The following M1AP variants were observed in gnomAD, a reference collection of about 807,000 sequenced individuals.
M1AP encodes meiosis 1 arrest protein.
Under a neutral mutation model 51.2 loss-of-function variants are expected in M1AP, and 39 were observed. The ratio of observed to expected loss-of-function variants is 0.76; its 90% CI spans 0.59 to 1.00. The LOEUF (loss-of-function observed/expected upper bound fraction) is 1.00. M1AP is among the 50% of genes least tolerant of loss of function. The pLI, the probability that M1AP is intolerant of heterozygous loss-of-function variation, is 0.00. For missense variants in M1AP, 545 were observed against 641.2 expected (o/e 0.85, Z 1.62); for synonymous variants, 251 against 249.2 (o/e 1.01, Z -0.07).
At chr2:74,630,693 T>C (rs896697319) in intron 2 of M1AP, among the ~76,000 whole-genome samples, 2 of 151,944 alleles carry the variant, frequency 1.3e-5, no homozygotes, top group South Asian at 2.1e-4. Flanking sequence ...TAGTATTCCA[T>C]GGTGTGTATG....
intron 3 of M1AP, among the ~76,000 whole-genome samples, chr2:74,611,882 GTTTTTTTTTTTTTTTT>G (rs1188013311): frequency 2.3e-5 from 1 of 42,912 alleles, no homozygotes; most frequent in Non-Finnish European, 3.8e-5. Context: ...ACAAAAAAGT[GTTTTTTTTTTTTTTTT>G]TTTTTTTTTT....
intron 7 of M1AP, among the ~76,000 whole-genome samples, chr2:74,568,922 A>G (rs1558649184): frequency 6.6e-6 from 1 of 152,198 alleles, no homozygotes; most frequent in Admixed American, 6.5e-5. Flanking sequence ...TAGTGTGGGA[A>G]GGGTGAGCCC....
chr2:74,628,996 C>T (rs205651), intron 2 of M1AP: 128,392 of 213,772 alleles, frequency 0.6, 42,335 homozygotes, highest in East Asian at 1. Flanking sequence ...TTATCTTGCA[C>T]GGGAATGTCT....
At chr2:74,607,360 G>C in intron 3 of M1AP, 137 bp from the exon 4 acceptor site, 1 of 834,632 alleles carries the variant, frequency 1.2e-6, no homozygotes, top group African/African-American at 1.7e-5. Context: ...AAAGGATTTG[G>C]CTGTAACTTA....
chr2:74,559,795 C>A (rs1336615660), intron 9 of M1AP, 86 bp from the exon 10 acceptor site: 8 of 708,900 alleles, frequency 1.1e-5, no homozygotes, highest in Admixed American at 8.3e-5. Context: ...ATATTAATTT[C>A]CCATCCCTTG....
intron 2 of M1AP, among the ~76,000 whole-genome samples, chr2:74,634,255 T>C (rs1343489429): frequency 1.3e-5 from 2 of 152,162 alleles, no homozygotes; most frequent in Non-Finnish European, 2.9e-5. Flanking sequence ...CTTGTATATT[T>C]GTAATGAGAA....
chr2:74,562,011 A>G, intron 8 of M1AP: 1 of 984,560 alleles, frequency 1.0e-6, no homozygotes, highest in South Asian at 4.7e-5. Context: ...CCTCCATTCT[A>G]TTTCACTCCT....
intron 2 of M1AP, among the ~76,000 whole-genome samples, chr2:74,638,877 T>C (rs1683132021): frequency 1.3e-5 from 2 of 152,224 alleles, no homozygotes. Context: ...GATAATTTGT[T>C]ACACAGCAAT....
intron 8 of M1AP, among the ~76,000 whole-genome samples, chr2:74,561,333 T>C (rs953306512): frequency 2.0e-5 from 3 of 152,038 alleles, no homozygotes; most frequent in African/African-American, 7.2e-5. Context: ...CTATCACATC[T>C]CATCTTGAAG....
At chr2:74,622,696 T>G (rs914357735) in intron 2 of M1AP, among the ~76,000 whole-genome samples, 6 of 151,764 alleles carry the variant, frequency 4.0e-5, no homozygotes, top group African/African-American at 1.5e-4. Flanking sequence ...AGAAATGGTC[T>G]GATATGCAAG....
At chr2:74,578,552 G>A (rs1008013511) in intron 5 of M1AP, among the ~76,000 whole-genome samples, 1 of 152,170 alleles carries the variant, frequency 6.6e-6, no homozygotes, top group African/African-American at 2.4e-5. Context: ...TCCCAAAGCT[G>A]GGAAAGCTGT....
At chr2:74,640,445 G>T in intron 1 of M1AP, 118 bp from the exon 2 acceptor site, 3 of 808,230 alleles carry the variant, frequency 3.7e-6, no homozygotes, top group African/African-American at 1.7e-5. Context: ...GGGTACTAAA[G>T]CTTGTCCAGG....
intron 3 of M1AP, 127 bp from the exon 4 acceptor site, chr2:74,607,350 A>T: frequency 2.2e-6 from 2 of 915,724 alleles, no homozygotes; most frequent in East Asian, 5.0e-5. Context: ...TTTAGTGCAA[A>T]AAGGATTTGG....
At chr2:74,620,077 C>T (rs1681914042) in intron 2 of M1AP, among the ~76,000 whole-genome samples, 1 of 152,184 alleles carries the variant, frequency 6.6e-6, no homozygotes, top group African/African-American at 2.4e-5. Flanking sequence ...GTGTGGCAAA[C>T]ACTCACTTTC....
rs1474856508 is a variant in M1AP, at chr2:74,640,023, T to C, written c.240+13A>G. On this transcript the variant is annotated intron_variant, in intron 2 of 10. Coordinates refer to ENST00000421985, the MANE Select transcript of M1AP (RefSeq NM_001321739.2). ...GCTTTCAGGGTAAAATGAATAAATA[T>C]AGATATACTTACCACAAAAGGGAGG... 7 of 1,609,022 alleles carry C rather than the reference T, an allele frequency of 4.4e-6. No individual in the cohort carries two copies. Among genetic ancestry groups the C allele is most frequent in the East Asian group, 2.2e-5 (1 of 44,872 alleles).
At chr2:74,613,845 G>A (rs2104733823) in intron 3 of M1AP, among the ~76,000 whole-genome samples, 1 of 152,334 alleles carries the variant, frequency 6.6e-6, no homozygotes, top group East Asian at 1.9e-4. Context: ...AAAGTGTGGA[G>A]TGGTATGATC....
chr2:74,647,464 C>T, intron 1 of M1AP: 1 of 874,740 alleles, frequency 1.1e-6, no homozygotes, highest in Non-Finnish European at 1.4e-6. Flanking sequence ...CTTCGTGGAC[C>T]CCTTCCTCCA....
intron 4 of M1AP, among the ~76,000 whole-genome samples, chr2:74,596,424 T>C (rs1680338316): frequency 6.6e-6 from 1 of 151,940 alleles, no homozygotes; most frequent in Non-Finnish European, 1.5e-5. Flanking sequence ...CTACTAAAAA[T>C]ACAAAAAATT....
At chr2:74,577,618 C>T (rs948343799) in intron 5 of M1AP, among the ~76,000 whole-genome samples, 11 of 152,338 alleles carry the variant, frequency 7.2e-5, no homozygotes, top group African/African-American at 2.6e-4. Flanking sequence ...CTCCTGGGCC[C>T]TGTGAATAAG....
Sources: allele counts gnomAD v4.1 joint callset (sites outside exome capture counted in the v4.1 genomes callset), GRCh38; gene constraint gnomAD v4.1.1; transcripts MANE v1.5; gene names NCBI Gene and HGNC (gene_info 2026-07-23, HGNC 2026-07-21).